Variants in PER2 observed in about 807,000 individuals in gnomAD.
The protein encoded by PER2 is period circadian protein homolog 2.
A neutral mutation model predicts 121.0 loss-of-function variants in PER2; 66 were observed. The ratio of observed to expected loss-of-function variants is 0.55; its 90% CI spans 0.45 to 0.67. The LOEUF (loss-of-function observed/expected upper bound fraction) is 0.67, where lower values mean the gene tolerates loss of function less well. Among genes scored for constraint, PER2 ranks in the 30% least tolerant of loss-of-function variants. The pLI is 0.00. For synonymous variants in PER2, 684 were observed against 659.9 expected, an observed-to-expected ratio of 1.04 and a Z score of -0.56; for missense variants, 1,521 against 1,635.0, an observed-to-expected ratio of 0.93 and a Z score of 1.20.
At position 238,246,494 on chromosome 2, in the gene PER2, C is replaced by T. The variant is rs1165220242; in HGVS notation, c.3649G>A (p.Gly1217Ser). ...ECVYCENKEK[G>S]NICIPYEEDI... is the part of the protein sequence containing the mutation. ...TCCTCATATGGTATGCAAATATTAC[C>T]TTTTTCCTTGTTTTCACAGTAAACA... Residue 1217 changes from glycine (G) to serine (S), a missense_variant, in exon 23 of 23, where the codon GGT (glycine) becomes AGT (serine). Transcript: ENST00000254657. The T allele has an allele frequency of 6.3e-7, 1 of 1,585,968 alleles. No individual in the cohort carries two copies. Among genetic ancestry groups the T allele is most frequent in the Non-Finnish European group, 8.7e-7 (1 of 1,154,686 alleles).
At chr2:238,295,945 G>C in the PER2 span, 1 of 242,122 alleles carries the variant, frequency 4.1e-6, no homozygotes, top group Non-Finnish European at 8.3e-6. Flanking sequence ...TGCATGATGA[G>C]GGGTGACACG....
intron 3 of PER2, 77 bp downstream of exon 3, chr2:238,277,054 C>G (rs1696477052): frequency 8.9e-7 from 1 of 1,122,156 alleles, no homozygotes; most frequent in Admixed American, 1.7e-5. Flanking sequence ...CCACGTCACT[C>G]CCAGAAAACT....
rs143818829 is a variant in PER2, at chr2:238,262,318, C to T, written c.1180G>A (p.Asp394Asn). Reference sequence around the variant, plus strand: ...GCGCGAAACCGAATGGGAGAATAGTCGAAAGGCTGCCCGCCTGACTGCAGG... The same window carrying T: ...GCGCGAAACCGAATGGGAGAATAGTTGAAAGGCTGCCCGCCTGACTGCAGG... ...KILQSGGQPF[D>N]YSPIRFRARN... The change falls in exon 11 of 23, where the codon GAC becomes AAC. Residue 394 changes from aspartate to asparagine, a missense_variant. Transcript: ENST00000254657. 9 of 1,613,870 alleles carry T rather than the reference C, an allele frequency of 5.6e-6. No individual in the cohort carries two copies. The highest frequency in any genetic ancestry group is 2.7e-5 in the African/African-American group (2 of 74,848).
chr2:238,268,752 C>T lies in PER2; in HGVS notation c.824+171G>A, dbSNP rs994489057. 2.6e-5 allele frequency among the ~76,000 whole-genome samples: 4 copies of T among 152,178 alleles called. No homozygotes were observed. Among genetic ancestry groups the T allele is most frequent in the African/African-American group, 9.7e-5 (4 of 41,436 alleles). On this transcript the variant is annotated intron_variant, in intron 7 of 22. Coordinates refer to ENST00000254657, the MANE Select transcript of PER2 (RefSeq NM_022817.3). The surrounding 1 kb of genome is among the most constrained non-coding windows in gnomAD (Gnocchi z 4.0). ...ACTCCACTGCTGGCCGCATTCTTAG[C>T]GACCTGTACACATTTAAAATGTAAC... is the stretch of plus-strand genomic sequence containing the variant.
intron 1 of PER2, among the ~76,000 whole-genome samples, chr2:238,285,257 G>A (rs915210344): frequency 1.7e-5 from 2 of 121,110 alleles, no homozygotes; most frequent in African/African-American, 2.6e-5. Flanking sequence ...TGGTAGCTGG[G>A]TTGCCTCAAC....
the PER2 span, chr2:238,298,737 G>A: frequency 6.6e-6 from 1 of 152,278 alleles, no homozygotes; most frequent in Non-Finnish European, 1.5e-5. Flanking sequence ...GGTCAGTTAT[G>A]ATGGGTGCAG....
rs538955954 is a variant in PER2, at chr2:238,270,802, C to T, written c.772+510G>A. 6.6e-5 allele frequency among the ~76,000 whole-genome samples: 10 copies of T among 152,378 alleles called. No individual in the cohort carries two copies. The South Asian group carries it at 2.1e-3, about 32-fold the overall frequency. The stretch of plus-strand genomic sequence containing the variant: ...AGGCTGCCATCCACAGTGCAGCACA[C>T]TTGGCCTGCAGTGCCTCGGGGGCCA... On this transcript the variant is annotated intron_variant, in intron 6 of 22. Transcript: ENST00000254657.
chr2:238,248,066 C>T (rs554367153), intron 22 of PER2, among the ~76,000 whole-genome samples: 1 of 152,308 alleles, frequency 6.6e-6, no homozygotes, highest in African/African-American at 2.4e-5. Flanking sequence ...GCCTCCAGGG[C>T]TTGCAGGGTG....
At chr2:238,247,837 T>A (rs1474609047) in intron 22 of PER2, among the ~76,000 whole-genome samples, 2 of 152,164 alleles carry the variant, frequency 1.3e-5, no homozygotes, top group Non-Finnish European at 2.9e-5. Context: ...TTTATTCTGA[T>A]TGAGGTGGCA....
rs750942057 is a variant in PER2, at chr2:238,268,198, A to G, written c.825T>C (p.Ser275=). ...MEEKSFFCRV[S]VRKSHENEIR... ...TTTCATTCTCGTGGCTTTTCCGGAC[A>G]CTGCGGAGAAGAGCCACGCTCTAAG... is the stretch of plus-strand genomic sequence containing the variant. The change falls in exon 8 of 23, where the codon AGT becomes AGC. Residue 275 remains serine, a splice_region_variant and synonymous_variant. Transcript: ENST00000254657. This position sits in a 1 kb window ranked among gnomAD's most constrained non-coding sequence, Gnocchi z 4.0. The G allele has an allele frequency of 2.5e-6, 4 of 1,613,776 alleles. No individual in the cohort carries two copies. In the African/African-American group the frequency reaches 4.0e-5, roughly 16 times the overall value.
intron 22 of PER2, 96 bp downstream of exon 22, chr2:238,248,966 G>A: frequency 7.2e-7 from 1 of 1,384,632 alleles, no homozygotes; most frequent in Non-Finnish European, 1.0e-6. Flanking sequence ...AATTTTAGAA[G>A]TTTTAAATTG....
chr2:238,262,059 T>C (rs894031449), intron 11 of PER2, 132 bp downstream of exon 11: 7 of 948,296 alleles, frequency 7.4e-6, no homozygotes, highest in Non-Finnish European at 1.2e-5. Flanking sequence ...GGGCTCCAGA[T>C]TGGTGGCAGG....
chr2:238,261,871 C>T (rs983338012), intron 11 of PER2, 34 bp from the exon 12 acceptor site: 2 of 1,471,694 alleles, frequency 1.4e-6, no homozygotes, highest in African/African-American at 2.8e-5. Context: ...TTAGATGGGG[C>T]CCCACAGGAG....
chr2:238,296,072 G>C, the PER2 span, among the ~76,000 whole-genome samples: 591 of 102,560 alleles, frequency 5.8e-3, 1 homozygote, highest in Middle Eastern at 0.015. Context: ...TGCAGAGTCA[G>C]TCGTGTGCCC....
At position 238,268,812 on chromosome 2, in the gene PER2, G is replaced by T. The variant is rs552797503; in HGVS notation, c.824+111C>A. ...TTTCTGGTAGACTTCAGAAACAGGC[G>T]TGCTGAGTCCCTGCAGGCAGGGATC... On this transcript the variant is annotated intron_variant, in intron 7 of 22. Coordinates refer to ENST00000254657, the MANE Select transcript of PER2 (RefSeq NM_022817.3). The surrounding 1 kb of genome is among the most constrained non-coding windows in gnomAD (Gnocchi z 4.0). 1 of 791,958 alleles carries T rather than the reference G, an allele frequency of 1.3e-6. No homozygotes were observed. Among genetic ancestry groups the T allele is most frequent in the Non-Finnish European group, 2.3e-6 (1 of 444,020 alleles). 49.1% of individuals were successfully genotyped at this position (791,958 alleles called of 1,614,324 possible). A position where few individuals can be genotyped will look rare whatever the true frequency, so the allele number is the denominator to read the frequency against.
upstream of PER2, among the ~76,000 whole-genome samples, chr2:238,291,791 G>A (rs963328648): frequency 3.3e-5 from 5 of 152,178 alleles, no homozygotes; most frequent in Admixed American, 2.6e-4. Context: ...TCAAGGGCGC[G>A]GGCACCTGTG....
intron 1 of PER2, among the ~76,000 whole-genome samples, chr2:238,286,867 C>T (rs1696804839): frequency 6.6e-6 from 1 of 152,238 alleles, no homozygotes; most frequent in African/African-American, 2.4e-5. Flanking sequence ...GGAGAGGAAT[C>T]TTTCCTTTTT....
chr2:238,263,577 C>T lies in PER2; in HGVS notation c.1047-519G>A, dbSNP rs1400145623. Among the ~76,000 whole-genome samples the T allele has an allele frequency of 2.0e-5, 3 of 152,150 alleles. No individual in the cohort carries two copies. In the South Asian group the frequency reaches 6.2e-4, roughly 32 times the overall value. ...CCTCTGCCCTTTGAGCTCATGCCTC[C>T]TCCCAGAGCTGTGGCTTTGCTCCAT... is the stretch of plus-strand genomic sequence containing the variant. On this transcript the variant is annotated intron_variant, in intron 9 of 22. Transcript: ENST00000254657.
the PER2 span, among the ~76,000 whole-genome samples, chr2:238,296,841 C>G: frequency 6.6e-6 from 1 of 152,244 alleles, no homozygotes; most frequent in East Asian, 1.9e-4. Flanking sequence ...CTGCAGCCAC[C>G]GTGGAAGAGC....
Sources: allele counts gnomAD v4.1 joint callset (sites outside exome capture counted in the v4.1 genomes callset), GRCh38; gene constraint gnomAD v4.1.1; non-coding constraint Gnocchi (gnomAD v3.1); transcripts MANE v1.5; gene names NCBI Gene and HGNC (gene_info 2026-07-23, HGNC 2026-07-21).